ZFAND3: variants seen among roughly 807,000 people sequenced by gnomAD.
ZFAND3 encodes AN1-type zinc finger protein 3.
Under a neutral mutation model 29.6 loss-of-function variants are expected in ZFAND3, and 10 were observed. The ratio of observed to expected loss-of-function variants is 0.34; its 90% CI spans 0.21 to 0.57. ZFAND3 has a LOEUF of 0.57. Among genes scored for constraint, ZFAND3 ranks in the 20% least tolerant of loss-of-function variants. ZFAND3 has a pLI of 0.86. For synonymous variants in ZFAND3, 128 were observed against 112.6 expected, an observed-to-expected ratio of 1.14 and a Z score of -0.87; for missense variants, 230 against 304.5, an observed-to-expected ratio of 0.76 and a Z score of 1.82.
At chr6:38,033,847 CATTT>C (rs1394978554) in intron 2 of ZFAND3, among the ~76,000 whole-genome samples, 1 of 152,102 alleles carries the variant, frequency 6.6e-6, no homozygotes, top group African/African-American at 2.4e-5. Flanking sequence ...ACTCTTGTGA[CATTT>C]ATTTAATGGC....
intron 3 of ZFAND3, among the ~76,000 whole-genome samples, chr6:38,065,254 G>A (rs1764319695): frequency 6.6e-6 from 1 of 151,846 alleles, no homozygotes. Context: ...AGGTGAGGTT[G>A]CAGTGAGCCG....
intron 1 of ZFAND3, among the ~76,000 whole-genome samples, chr6:37,866,057 C>T (rs764086010): frequency 5.1e-4 from 78 of 152,040 alleles, no homozygotes; most frequent in Admixed American, 1.4e-3. Flanking sequence ...AAATTCTTGG[C>T]CTTAAACTAT....
intron 1 of ZFAND3, among the ~76,000 whole-genome samples, chr6:37,825,450 C>T (rs1763741614): frequency 6.6e-6 from 1 of 152,126 alleles, no homozygotes; most frequent in African/African-American, 2.4e-5. Flanking sequence ...GCCCTATTTT[C>T]CTCATTACAT....
intron 2 of ZFAND3, among the ~76,000 whole-genome samples, chr6:37,983,653 A>T (rs1230409574): frequency 3.8e-5 from 5 of 132,916 alleles, no homozygotes; most frequent in Non-Finnish European, 8.0e-5. Flanking sequence ...GCCACCCCCC[A>T]CCCCTGGCCC....
chr6:37,943,076 G>A (rs1761839547), intron 2 of ZFAND3, among the ~76,000 whole-genome samples: 1 of 152,056 alleles, frequency 6.6e-6, no homozygotes, highest in South Asian at 2.1e-4. Flanking sequence ...TAAAAAGTAT[G>A]TAGGAGTATC....
chr6:37,837,110 C>T (rs1369020273), intron 1 of ZFAND3, among the ~76,000 whole-genome samples: 1 of 151,974 alleles, frequency 6.6e-6, no homozygotes, highest in Non-Finnish European at 1.5e-5. Flanking sequence ...AGAAAGAAGG[C>T]GTTCATGTGG....
chr6:38,071,991 A>G (rs1167447595), intron 3 of ZFAND3, among the ~76,000 whole-genome samples: 1 of 152,154 alleles, frequency 6.6e-6, no homozygotes, highest in Non-Finnish European at 1.5e-5. Flanking sequence ...TTAATTTTTT[A>G]AAATAATTTT....
intron 1 of ZFAND3, among the ~76,000 whole-genome samples, chr6:37,840,851 C>A (rs911734342): frequency 1.3e-5 from 2 of 152,064 alleles, no homozygotes; most frequent in African/African-American, 4.8e-5. Flanking sequence ...TTTGGGGAGG[C>A]AGTTCTGCTA....
chr6:37,907,788 T>C (rs1187619304), intron 1 of ZFAND3, among the ~76,000 whole-genome samples: 1 of 152,228 alleles, frequency 6.6e-6, no homozygotes, highest in African/African-American at 2.4e-5. Flanking sequence ...ACCTATTTAC[T>C]CTTCACCTAG....
intron 1 of ZFAND3, among the ~76,000 whole-genome samples, chr6:37,871,358 C>G (rs1374400308): frequency 2.0e-5 from 3 of 152,138 alleles, no homozygotes; most frequent in Admixed American, 1.3e-4. Context: ...TATTAAGAGA[C>G]TATTTTACTC....
chr6:37,993,164 GAA>G (rs1762789083), intron 2 of ZFAND3, among the ~76,000 whole-genome samples: 1 of 151,832 alleles, frequency 6.6e-6, no homozygotes, highest in Non-Finnish European at 1.5e-5. Flanking sequence ...TTATCGTTAA[GAA>G]GTGTCTTTTT....
At chr6:37,892,295 A>C (rs1294276977) in intron 1 of ZFAND3, among the ~76,000 whole-genome samples, 1 of 152,240 alleles carries the variant, frequency 6.6e-6, no homozygotes, top group Non-Finnish European at 1.5e-5. Context: ...ATAGCATGTG[A>C]AAATGTATAG....
intron 2 of ZFAND3, among the ~76,000 whole-genome samples, chr6:38,051,887 G>A (rs954892378): frequency 6.6e-6 from 1 of 152,170 alleles, no homozygotes; most frequent in East Asian, 1.9e-4. Context: ...GTTAATTTAT[G>A]CCCTGTAAAT....
At chr6:38,026,570 C>T (rs558379058) in intron 2 of ZFAND3, among the ~76,000 whole-genome samples, 3 of 151,916 alleles carry the variant, frequency 2.0e-5, no homozygotes, top group East Asian at 1.9e-4. Flanking sequence ...GCTGGGTCTA[C>T]AGGTGTGCAC....
chr6:37,958,527 A>C (rs1326201855), intron 2 of ZFAND3, among the ~76,000 whole-genome samples: 2 of 152,140 alleles, frequency 1.3e-5, no homozygotes, highest in Non-Finnish European at 2.9e-5. Flanking sequence ...TTTTTAAAAA[A>C]TAATGCTGTA....
At chr6:38,135,931 G>C (rs1308540681) in intron 5 of ZFAND3, among the ~76,000 whole-genome samples, 4 of 152,140 alleles carry the variant, frequency 2.6e-5, no homozygotes, top group Non-Finnish European at 5.9e-5. Flanking sequence ...CATAGCTGTG[G>C]ATTTCCTTTT....
At chr6:37,997,591 G>A (rs1366099938) in intron 2 of ZFAND3, among the ~76,000 whole-genome samples, 1 of 152,168 alleles carries the variant, frequency 6.6e-6, no homozygotes, top group East Asian at 1.9e-4. Flanking sequence ...AGGAGGGAGG[G>A]ATAGCTGTTG....
chr6:38,106,585 A>G (rs1003460105), intron 4 of ZFAND3, among the ~76,000 whole-genome samples: 2 of 152,174 alleles, frequency 1.3e-5, no homozygotes, highest in African/African-American at 4.8e-5. Flanking sequence ...CTTTTCTCTC[A>G]TCTACTTCTT....
chr6:38,096,228 A>C (rs2127475812), intron 4 of ZFAND3, among the ~76,000 whole-genome samples: 1 of 145,810 alleles, frequency 6.9e-6, no homozygotes, highest in South Asian at 2.2e-4. Context: ...GCTGGAGTGC[A>C]GTGGTGTGAT....
Sources: allele counts gnomAD v4.1 joint callset (sites outside exome capture counted in the v4.1 genomes callset), GRCh38; gene constraint gnomAD v4.1.1; transcripts MANE v1.5; gene names NCBI Gene and HGNC (gene_info 2026-07-23, HGNC 2026-07-21).